Variants in ADCY8 observed in about 807,000 individuals in gnomAD.
ADCY8 encodes the protein adenylate cyclase type 8.
ADCY8 carries 51 observed loss-of-function variants against 119.7 expected under a neutral mutation model. That is an observed-to-expected ratio of 0.43 (90% CI 0.34 to 0.54). ADCY8 has a LOEUF of 0.54. ADCY8 is among the 20% of genes least tolerant of loss of function. The pLI, the probability that ADCY8 is intolerant of heterozygous loss-of-function variation, is 0.03. For missense variants in ADCY8, 1,383 were observed against 1,598.8 expected (o/e 0.87, Z 2.30); for synonymous variants, 665 against 651.0 (o/e 1.02, Z -0.33).
At chr8:130,841,876 C>A (rs952773333) in intron 11 of ADCY8, among the ~76,000 whole-genome samples, 1 of 152,218 alleles carries the variant, frequency 6.6e-6, no homozygotes, top group African/African-American at 2.4e-5. Flanking sequence ...ATAAGCAACA[C>A]AGTGAAGTGT....
intron 8 of ADCY8, among the ~76,000 whole-genome samples, chr8:130,868,965 CTGT>C: frequency 6.6e-6 from 1 of 152,256 alleles, no homozygotes; most frequent in East Asian, 1.9e-4. Context: ...TCAGTCCAAT[CTGT>C]TGTTGGTATG....
At chr8:131,016,914 G>C (rs1339450444) in intron 1 of ADCY8, among the ~76,000 whole-genome samples, 1 of 151,968 alleles carries the variant, frequency 6.6e-6, no homozygotes, top group Non-Finnish European at 1.5e-5. Context: ...TAGCAGACAG[G>C]CTGCCTCCTG....
intron 2 of ADCY8, among the ~76,000 whole-genome samples, chr8:130,982,448 T>G (rs1407380911): frequency 6.6e-6 from 1 of 152,220 alleles, no homozygotes; most frequent in Non-Finnish European, 1.5e-5. Context: ...GCCCTAACAT[T>G]TGTAGAATTC....
chr8:130,922,629 A>C, intron 5 of ADCY8, among the ~76,000 whole-genome samples: 1 of 152,044 alleles, frequency 6.6e-6, no homozygotes, highest in East Asian at 1.9e-4. Flanking sequence ...AGACACGGCA[A>C]CCATCCGATT....
intron 14 of ADCY8, among the ~76,000 whole-genome samples, chr8:130,811,112 G>A (rs1816150091): frequency 6.6e-6 from 1 of 152,198 alleles, no homozygotes; most frequent in Admixed American, 6.5e-5. Context: ...GAGGAAACCA[G>A]GCCTGAGCCC....
At chr8:130,939,280 G>C (rs886898279) in intron 4 of ADCY8, among the ~76,000 whole-genome samples, 2 of 152,142 alleles carry the variant, frequency 1.3e-5, no homozygotes, top group Admixed American at 6.5e-5. Flanking sequence ...TTAACATTAT[G>C]AAAACTCACT....
intron 5 of ADCY8, among the ~76,000 whole-genome samples, chr8:130,921,083 AAT>A (rs1327401897): frequency 1.3e-5 from 2 of 152,216 alleles, no homozygotes; most frequent in Non-Finnish European, 2.9e-5. Flanking sequence ...TCTACCTGTC[AAT>A]ACTTTTCCTT....
chr8:130,797,177 ATG>A (rs201392697), intron 15 of ADCY8, among the ~76,000 whole-genome samples: 1,525 of 152,318 alleles, frequency 0.01, 26 homozygotes, highest in African/African-American at 0.035. Context: ...ACGTCTTTGA[ATG>A]TGTGGCCCAA....
intron 14 of ADCY8, among the ~76,000 whole-genome samples, chr8:130,805,054 C>T (rs1209921161): frequency 6.6e-6 from 1 of 151,618 alleles, no homozygotes; most frequent in African/African-American, 2.4e-5. Flanking sequence ...GCCTCATGCC[C>T]TTTTCCTTAG....
chr8:130,808,053 C>T lies in ADCY8; in HGVS notation c.2913+6016G>A, dbSNP rs73342429. Among the ~76,000 whole-genome samples, 207 of 135,584 alleles carry T rather than the reference C, an allele frequency of 1.5e-3. 1 individual carries two copies. Among genetic ancestry groups the T allele is most frequent in the African/African-American group, 5.6e-3 (202 of 36,228 alleles). The allele number at this position is 135,584 out of a possible 152,430, so 88.9% of individuals were successfully genotyped here. ...AGTATCAAGTATTTGGTTATAACAGCACAAACAAACTAAGATACCATTGTA... is the reference window on the plus strand; with the variant it reads ...AGTATCAAGTATTTGGTTATAACAGTACAAACAAACTAAGATACCATTGTA... On this transcript the variant is annotated intron_variant, in intron 14 of 17. Coordinates refer to ENST00000286355, the MANE Select transcript of ADCY8 (RefSeq NM_001115.3).
At position 130,784,234 on chromosome 8, in the gene ADCY8, A is replaced by G. The variant is rs138659956; in HGVS notation, c.3154-429T>C. Among the ~76,000 whole-genome samples the G allele has an allele frequency of 5.5e-3, 628 of 114,740 alleles. 6 individuals carry two copies. Among genetic ancestry groups the G allele is most frequent in the African/African-American group, 0.022 (607 of 28,032 alleles). 75.3% of individuals were successfully genotyped at this position (114,740 alleles called of 152,430 possible). A position where few individuals can be genotyped will look rare whatever the true frequency, so the allele number is the denominator to read the frequency against. On this transcript the variant is annotated intron_variant, in intron 16 of 17. Coordinates refer to ENST00000286355, the MANE Select transcript of ADCY8 (RefSeq NM_001115.3). ...TGTGTGGGTATGGGTATGTGTGTGT[A>G]TATGTGCTCTTATGTATGTGTAGTT...
Position 130,912,576 on chromosome 8 carries a change from A to G in ADCY8, c.1482-2710T>C, listed in dbSNP as rs1029344498. Among the ~76,000 whole-genome samples, 6 of 152,328 alleles carry G rather than the reference A, an allele frequency of 3.9e-5. No individual in the cohort carries two copies. The East Asian group carries it at 7.7e-4, about 20-fold the overall frequency. ...ATGAATGAATGATTCCATGTACTCAATTGAATCTTTGCAGTCTCTGTTCTT... is the reference window on the plus strand; with the variant it reads ...ATGAATGAATGATTCCATGTACTCAGTTGAATCTTTGCAGTCTCTGTTCTT... On this transcript the variant is annotated intron_variant, in intron 5 of 17. Coordinates refer to ENST00000286355, the MANE Select transcript of ADCY8 (RefSeq NM_001115.3).
rs750659032 is a variant in ADCY8 at position 130,836,304 on chromosome 8, C to G, written c.2648G>C (p.Arg883Pro). The change falls in exon 12 of 18, where the codon CGT becomes CCT. Residue 883 changes from arginine to proline, a missense_variant. By Grantham distance (103) the Arg-to-Pro change is moderately radical. Coordinates refer to ENST00000286355, the MANE Select transcript of ADCY8 (RefSeq NM_001115.3). ...TETVYAGLFLRYDNLNHSGED... is the reference protein window; with the variant it reads ...TETVYAGLFLPYDNLNHSGED... Reference sequence around the variant, plus strand: ...TCCACTGTGGTTGAGGTTGTCATAACGCAGAAAGAGGCCTGCGTAGACGGT... The same window carrying G: ...TCCACTGTGGTTGAGGTTGTCATAAGGCAGAAAGAGGCCTGCGTAGACGGT... 12 of 1,613,528 alleles carry G rather than the reference C, an allele frequency of 7.4e-6. No individual in the cohort carries two copies. The highest frequency in any genetic ancestry group is 1.0e-5 in the Non-Finnish European group (12 of 1,179,706).
At chr8:130,986,895 A>C (rs1392445346) in intron 2 of ADCY8, among the ~76,000 whole-genome samples, 2 of 152,232 alleles carry the variant, frequency 1.3e-5, no homozygotes, top group Non-Finnish European at 2.9e-5. Flanking sequence ...AATTTGCTGC[A>C]GGATATCAGA....
intron 2 of ADCY8, among the ~76,000 whole-genome samples, chr8:130,963,101 G>A (rs1029170461): frequency 2.0e-5 from 3 of 149,884 alleles, no homozygotes; most frequent in Admixed American, 2.0e-4. Context: ...ACCCAAGCCC[G>A]TGTTTTTCTT....
chr8:130,966,863 G>A (rs1821777895), intron 2 of ADCY8, among the ~76,000 whole-genome samples: 1 of 152,178 alleles, frequency 6.6e-6, no homozygotes, highest in African/African-American at 2.4e-5. Context: ...CTAGCACATT[G>A]TAACCACAAC....
intron 5 of ADCY8, among the ~76,000 whole-genome samples, chr8:130,915,653 G>A (rs116994792): frequency 1.3e-5 from 2 of 152,252 alleles, no homozygotes; most frequent in Non-Finnish European, 1.5e-5. Context: ...ACTTAGCCTG[G>A]TGGATACTGA....
intron 1 of ADCY8, among the ~76,000 whole-genome samples, chr8:131,026,968 G>GA (rs988317639): frequency 3.3e-5 from 5 of 152,136 alleles, no homozygotes; most frequent in Admixed American, 6.5e-5. Context: ...GTTATAAAAT[G>GA]AAAAAATTGC....
chr8:130,996,807 T>A (rs946313588), intron 1 of ADCY8, among the ~76,000 whole-genome samples: 4 of 152,190 alleles, frequency 2.6e-5, no homozygotes, highest in Non-Finnish European at 5.9e-5. Flanking sequence ...AACTGGTTCT[T>A]ATTAACAAAA....
Sources: gnomAD v4.1 joint callset for allele counts (sites outside exome capture counted in the v4.1 genomes callset) on GRCh38, gnomAD v4.1.1 for gene constraint, MANE v1.5 for transcripts, NCBI Gene and HGNC (gene_info 2026-07-23, HGNC 2026-07-21) for gene names.